Variants in WWOX observed in about 807,000 individuals in gnomAD.
WWOX encodes the protein WW domain-containing oxidoreductase.
WWOX carries 69 observed loss-of-function variants against 46.2 expected under a neutral mutation model. That is an observed-to-expected ratio of 1.49 (90% CI 1.23 to 1.82). The LOEUF is 1.82. WWOX is among the 40% of genes most tolerant of loss of function. The probability of loss-of-function intolerance (pLI) is 0.00; values close to 1 mark genes in which losing one functional copy is unlikely to be tolerated. For synonymous variants in WWOX, 359 were observed against 202.6 expected (o/e 1.77, Z -6.56); for missense variants, 919 against 542.6 (o/e 1.69, Z -6.89).
At chr16:78,555,014 C>G (rs2044258057) in intron 8 of WWOX, among the ~76,000 whole-genome samples, 1 of 152,172 alleles carries the variant, frequency 6.6e-6, no homozygotes, top group Non-Finnish European at 1.5e-5. Flanking sequence ...TGGCAGACAA[C>G]TTCTGGCTCC....
At position 78,671,776 on chromosome 16, in the gene WWOX, C is replaced by T. The variant is rs75413505; in HGVS notation, c.1056+239024C>T. Among the ~76,000 whole-genome samples the T allele has an allele frequency of 9.9e-4, 150 of 152,242 alleles. 1 individual carries two copies. Among genetic ancestry groups the T allele is most frequent in the African/African-American group, 3.4e-3 (140 of 41,550 alleles). ...TAGAACATAAGTATATTTAAGAAAG[C>T]ACCATCAGTATTCAATTTGCCTTGC... On this transcript the variant is annotated intron_variant, in intron 8 of 8. Coordinates refer to ENST00000566780, the MANE Select transcript of WWOX (RefSeq NM_016373.4).
intron 8 of WWOX, among the ~76,000 whole-genome samples, chr16:78,615,850 A>C (rs144417077): frequency 0.017 from 2,581 of 151,288 alleles, 56 homozygotes; most frequent in East Asian, 0.063. Context: ...TCCCGAGTTC[A>C]CGCCATTCTC....
At chr16:78,156,344 T>C (rs1179621709) in intron 4 of WWOX, among the ~76,000 whole-genome samples, 1 of 152,150 alleles carries the variant, frequency 6.6e-6, no homozygotes, top group Non-Finnish European at 1.5e-5. Flanking sequence ...GGCGTGCTTT[T>C]CCCCCACAGA....
At chr16:78,889,433 C>G (rs1251279127) in intron 8 of WWOX, among the ~76,000 whole-genome samples, 3 of 144,606 alleles carry the variant, frequency 2.1e-5, no homozygotes, top group African/African-American at 7.7e-5. Context: ...CAATGAAACG[C>G]GAGCCGACTT....
At chr16:78,786,135 C>G (rs2050450313) in intron 8 of WWOX, among the ~76,000 whole-genome samples, 1 of 152,196 alleles carries the variant, frequency 6.6e-6, no homozygotes. Context: ...GTTTTGAACT[C>G]CTGCCCTCCG....
At chr16:78,655,879 T>C (rs2047068784) in intron 8 of WWOX, among the ~76,000 whole-genome samples, 2 of 152,198 alleles carry the variant, frequency 1.3e-5, no homozygotes, top group Non-Finnish European at 2.9e-5. Flanking sequence ...TCTGTGTGTG[T>C]TCCTTTTCTC....
At chr16:78,398,062 ACTTGT>A (rs1401883794) in intron 6 of WWOX, among the ~76,000 whole-genome samples, 2 of 152,130 alleles carry the variant, frequency 1.3e-5, no homozygotes, top group African/African-American at 4.8e-5. Context: ...CTTTCTTTCT[ACTTGT>A]CTTCAAATTG....
In WWOX at chr16:78,478,027, C is replaced by G. The variant is rs73576826; in HGVS notation, c.1056+45275C>G. Among the ~76,000 whole-genome samples, 588 of 152,080 alleles carry G rather than the reference C, an allele frequency of 3.9e-3. 3 individuals carry two copies. Among genetic ancestry groups the G allele is most frequent in the African/African-American group, 0.013 (557 of 41,488 alleles). ...TACCTAACATTTGTTATTTTAAAAG[C>G]AATAAAATCCCCTAAAGAAATATTC... On this transcript the variant is annotated intron_variant, in intron 8 of 8. Transcript: ENST00000566780.
intron 8 of WWOX, among the ~76,000 whole-genome samples, chr16:78,739,065 G>A (rs1324336582): frequency 6.6e-6 from 1 of 152,158 alleles, no homozygotes; most frequent in African/African-American, 2.4e-5. Context: ...CAGAATAAAG[G>A]AATAGAGGGT....
chr16:78,566,530 A>G (rs2044572825), intron 8 of WWOX, among the ~76,000 whole-genome samples: 1 of 152,148 alleles, frequency 6.6e-6, no homozygotes, highest in Non-Finnish European at 1.5e-5. Context: ...GAGGCACAGG[A>G]TGGTTCCAAG....
chr16:78,324,691 G>A (rs989298789), intron 5 of WWOX, among the ~76,000 whole-genome samples: 3 of 149,414 alleles, frequency 2.0e-5, no homozygotes, highest in African/African-American at 7.4e-5. Context: ...AGTTACAAAA[G>A]TCCACATATG....
At chr16:78,892,911 A>G (rs1241108374) in intron 8 of WWOX, among the ~76,000 whole-genome samples, 1 of 152,188 alleles carries the variant, frequency 6.6e-6, no homozygotes, top group Non-Finnish European at 1.5e-5. Flanking sequence ...AGGCTTGGTT[A>G]CAAAGGGCAA....
intron 8 of WWOX, among the ~76,000 whole-genome samples, chr16:79,139,602 C>T (rs964493301): frequency 2.0e-5 from 3 of 151,688 alleles, no homozygotes; most frequent in Non-Finnish European, 2.9e-5. Flanking sequence ...CTTTTTCTTT[C>T]TTTCTTTCTT....
At chr16:78,392,634 T>C (rs1241077058) in intron 6 of WWOX, among the ~76,000 whole-genome samples, 2 of 152,136 alleles carry the variant, frequency 1.3e-5, no homozygotes, top group Non-Finnish European at 2.9e-5. Flanking sequence ...GGTGATTGCA[T>C]CTCTGTGGTG....
intron 8 of WWOX, among the ~76,000 whole-genome samples, chr16:78,778,663 A>T (rs1370369947): frequency 6.6e-6 from 1 of 152,158 alleles, no homozygotes; most frequent in South Asian, 2.1e-4. Context: ...TGAAATGGGA[A>T]CATCACTTAC....
chr16:78,962,210 G>C (rs960011896), intron 8 of WWOX, among the ~76,000 whole-genome samples: 52 of 150,080 alleles, frequency 3.5e-4, no homozygotes, highest in African/African-American at 1.1e-3. Context: ...ATGACTTTCT[G>C]TGTGATGTTA....
At chr16:78,955,835 G>GGTCTCACTA (rs2046154855) in intron 8 of WWOX, among the ~76,000 whole-genome samples, 1 of 151,372 alleles carries the variant, frequency 6.6e-6, no homozygotes, top group Non-Finnish European at 1.5e-5. Flanking sequence ...GTAAAGATGA[G>GGTCTCACTA]GTCTCACTAT....
At chr16:78,633,893 G>A (rs4035832) in intron 8 of WWOX, among the ~76,000 whole-genome samples, 1 of 151,434 alleles carries the variant, frequency 6.6e-6, no homozygotes, top group Non-Finnish European at 1.5e-5. Context: ...AACCATCTGA[G>A]GTGTTTTTTT....
chr16:79,172,796 TGA>T (rs2050726063), intron 8 of WWOX, among the ~76,000 whole-genome samples: 1 of 151,198 alleles, frequency 6.6e-6, no homozygotes, highest in African/African-American at 2.4e-5. Context: ...GAGGCCAAGA[TGA>T]GAGGATCACT....
Sources: allele counts gnomAD v4.1 joint callset (sites outside exome capture counted in the v4.1 genomes callset), GRCh38; gene constraint gnomAD v4.1.1; transcripts MANE v1.5; gene names NCBI Gene and HGNC (gene_info 2026-07-23, HGNC 2026-07-21).